Variants in MAGI1 observed in about 807,000 individuals in gnomAD.
The protein encoded by MAGI1 is membrane associated guanylate kinase, WW and PDZ domain containing 1, also known as membrane-associated guanylate kinase, WW and PDZ domain-containing protein 1.
MAGI1 carries 58 observed loss-of-function variants against 139.9 expected under a neutral mutation model. The observed-to-expected ratio is 0.41, with a 90% CI of 0.34 to 0.52. MAGI1 has a LOEUF of 0.52. Ranked by LOEUF, MAGI1 falls within the 20% of genes least tolerant of loss-of-function variation. The pLI is 0.12. For missense variants in MAGI1, 1,874 were observed against 1,901.6 expected (o/e 0.99, Z 0.27); for synonymous variants, 812 against 737.9 (o/e 1.10, Z -1.63).
intron 13 of MAGI1, among the ~76,000 whole-genome samples, chr3:65,397,876 C>T (rs1944518959): frequency 6.6e-6 from 1 of 152,164 alleles, no homozygotes. Flanking sequence ...TTATTTCTCC[C>T]TCCCCATTTC....
intron 5 of MAGI1, among the ~76,000 whole-genome samples, chr3:65,459,752 G>C (rs1575829046): frequency 6.6e-6 from 1 of 151,998 alleles, no homozygotes; most frequent in Non-Finnish European, 1.5e-5. Context: ...GAAAAACCCT[G>C]TCTCTATAAA....
chr3:65,652,412 G>A (rs918026012), intron 1 of MAGI1, among the ~76,000 whole-genome samples: 18 of 152,148 alleles, frequency 1.2e-4, no homozygotes, highest in Admixed American at 1.2e-3. Context: ...GTTGGGAGAA[G>A]GGGGTCTTGC....
At chr3:65,893,659 G>A (rs1271037355) in intron 1 of MAGI1, among the ~76,000 whole-genome samples, 2 of 152,110 alleles carry the variant, frequency 1.3e-5, no homozygotes, top group African/African-American at 4.8e-5. Flanking sequence ...AAGACAGTAT[G>A]CAAAATTAGA....
intron 5 of MAGI1, among the ~76,000 whole-genome samples, chr3:65,463,538 A>C (rs986887099): frequency 2.0e-5 from 3 of 148,464 alleles, no homozygotes; most frequent in Non-Finnish European, 3.0e-5. Flanking sequence ...ATCGATGTTC[A>C]TCAGGGATAT....
intron 1 of MAGI1, among the ~76,000 whole-genome samples, chr3:65,731,390 C>T (rs771906753): frequency 1.3e-5 from 2 of 151,816 alleles, no homozygotes; most frequent in African/African-American, 2.4e-5. Context: ...TGATGGCTCA[C>T]ACCTATAATT....
At chr3:65,619,359 A>T (rs1206663631) in intron 2 of MAGI1, among the ~76,000 whole-genome samples, 2 of 152,194 alleles carry the variant, frequency 1.3e-5, no homozygotes, top group Non-Finnish European at 2.9e-5. Context: ...GCTCCACTAC[A>T]TTATGGCAAT....
intron 1 of MAGI1, among the ~76,000 whole-genome samples, chr3:65,969,612 C>G (rs2064927543): frequency 6.6e-6 from 1 of 152,142 alleles, no homozygotes; most frequent in Non-Finnish European, 1.5e-5. Context: ...CACAAGGTGA[C>G]CCCTTCATAA....
intron 3 of MAGI1, among the ~76,000 whole-genome samples, chr3:65,490,856 AAG>A (rs1278075861): frequency 1.5e-4 from 22 of 148,212 alleles, no homozygotes; most frequent in East Asian, 3.9e-4. Flanking sequence ...AAAAAAAAAA[AAG>A]AAAAAAGAAA....
intron 1 of MAGI1, among the ~76,000 whole-genome samples, chr3:66,020,064 T>C (rs1173054519): frequency 1.3e-5 from 2 of 152,216 alleles, no homozygotes; most frequent in East Asian, 3.8e-4. Flanking sequence ...ACACAGTACA[T>C]GACGTTCCTC....
chr3:65,463,166 T>A (rs1456057428), intron 5 of MAGI1, among the ~76,000 whole-genome samples: 1 of 152,148 alleles, frequency 6.6e-6, no homozygotes, highest in Non-Finnish European at 1.5e-5. Flanking sequence ...AGAGAGGGTA[T>A]CCTTGTCTTG....
intron 1 of MAGI1, among the ~76,000 whole-genome samples, chr3:65,800,021 G>T (rs376012953): frequency 6.6e-6 from 1 of 152,096 alleles, no homozygotes; most frequent in Non-Finnish European, 1.5e-5. Context: ...TGAAGGTTCC[G>T]ACTGCCTAAT....
chr3:65,508,247 C>A (rs1011631663), intron 2 of MAGI1, among the ~76,000 whole-genome samples: 1 of 151,854 alleles, frequency 6.6e-6, no homozygotes, highest in Admixed American at 6.6e-5. Context: ...ACTAAAAATA[C>A]GAAAAAGTTA....
At chr3:65,962,536 T>A (rs1374997205) in intron 1 of MAGI1, among the ~76,000 whole-genome samples, 1 of 151,888 alleles carries the variant, frequency 6.6e-6, no homozygotes, top group Non-Finnish European at 1.5e-5. Context: ...AAACGTCCAT[T>A]AGAAAGTCAT....
chr3:65,565,177 A>C (rs1014670906), intron 2 of MAGI1, among the ~76,000 whole-genome samples: 2 of 152,220 alleles, frequency 1.3e-5, no homozygotes, highest in African/African-American at 4.8e-5. Flanking sequence ...GAGCAAGAGA[A>C]AAAAGGTGCA....
At chr3:65,441,838 GTAAGATGCTGGGCATCTATTT>G (rs1948356807) in intron 8 of MAGI1, among the ~76,000 whole-genome samples, 4 of 152,128 alleles carry the variant, frequency 2.6e-5, no homozygotes, top group Admixed American at 1.3e-4. Flanking sequence ...AATTTCTACA[GTAAGATGCTGGGCATCTATTT>G]TATGGCCTGG....
Position 66,031,125 on chromosome 3 carries a change from T to G in MAGI1, c.313+6871A>C, listed in dbSNP as rs1054991638. ...TTTTCAAGGTTACAGATCTCACATA[T>G]GAGCTGCAAAAAGACAGGCAGGCAT... On this transcript the variant is annotated intron_variant, in intron 1 of 22. Transcript: ENST00000402939. 7.2e-5 allele frequency among the ~76,000 whole-genome samples: 11 copies of G among 152,200 alleles called. 1 individual carries two copies.
chr3:65,495,429 CATATAA>C (rs1952356989), intron 2 of MAGI1, among the ~76,000 whole-genome samples: 1 of 152,058 alleles, frequency 6.6e-6, no homozygotes, highest in African/African-American at 2.4e-5. Context: ...TTATTATATA[CATATAA>C]ATATATCTCT....
At chr3:65,751,535 T>G (rs2036154356) in intron 1 of MAGI1, among the ~76,000 whole-genome samples, 1 of 152,204 alleles carries the variant, frequency 6.6e-6, no homozygotes, top group African/African-American at 2.4e-5. Flanking sequence ...ACTTCCTGGA[T>G]GCTAGCAGTA....
At chr3:65,808,148 G>C (rs1357584929) in intron 1 of MAGI1, among the ~76,000 whole-genome samples, 1 of 151,808 alleles carries the variant, frequency 6.6e-6, no homozygotes, top group African/African-American at 2.4e-5. Context: ...ACCACGCCCA[G>C]CTAATTTTGT....
Sources: gnomAD v4.1 joint callset for allele counts (sites outside exome capture counted in the v4.1 genomes callset) on GRCh38, gnomAD v4.1.1 for gene constraint, MANE v1.5 for transcripts, NCBI Gene and HGNC (gene_info 2026-07-23, HGNC 2026-07-21) for gene names.